The following EEIG1 variants were observed in gnomAD, a reference collection of about 807,000 sequenced individuals.
EEIG1 encodes the protein estrogen-induced osteoclastogenesis regulator 1, also known as early estrogen-induced gene 1 protein.
At chr9:127,945,300 A>T in the EEIG1 span, 1 of 1,264,514 alleles carries the variant, frequency 7.9e-7, no homozygotes, top group Non-Finnish European at 1.1e-6. The surrounding 1 kb of genome is among the most constrained non-coding windows in gnomAD (Gnocchi z 6.5). Flanking sequence ...ATAGGTAAAG[A>T]AGCGGAGGTT....
At chr9:127,947,868 A>G in the EEIG1 span, among the ~76,000 whole-genome samples, 1 of 152,130 alleles carries the variant, frequency 6.6e-6, no homozygotes, top group Non-Finnish European at 1.5e-5. Context: ...TCTCAGTCCA[A>G]GGCACAGCTG....
At chr9:127,945,041 A>C in the EEIG1 span, 8 of 1,024,588 alleles carry the variant, frequency 7.8e-6, no homozygotes, top group South Asian at 1.6e-5. The surrounding 1 kb of genome is among the most constrained non-coding windows in gnomAD (Gnocchi z 6.5). Context: ...CTGAAACCTC[A>C]CATGCACAAT....
the EEIG1 span, among the ~76,000 whole-genome samples, chr9:127,952,322 C>A: frequency 6.6e-6 from 1 of 152,254 alleles, no homozygotes; most frequent in Admixed American, 6.5e-5. Flanking sequence ...GCGCCTCCCT[C>A]GGGTGAGAGG....
At chr9:127,970,923 C>T in the EEIG1 span, among the ~76,000 whole-genome samples, 3 of 152,224 alleles carry the variant, frequency 2.0e-5, no homozygotes, top group African/African-American at 7.2e-5. Context: ...ATTGGATTTG[C>T]GCACCTCCCC....
the EEIG1 span, chr9:127,953,940 C>G: frequency 6.2e-7 from 1 of 1,613,106 alleles, no homozygotes; most frequent in Non-Finnish European, 8.5e-7. Flanking sequence ...GGGCCAGAGG[C>G]GACAGGTGAG....
chr9:127,961,640 G>A, the EEIG1 span, among the ~76,000 whole-genome samples: 1 of 152,192 alleles, frequency 6.6e-6, no homozygotes, highest in African/African-American at 2.4e-5. Context: ...GCTAGCCTGG[G>A]GTGCAACAGA....
the EEIG1 span, among the ~76,000 whole-genome samples, chr9:127,978,941 C>T: frequency 3.9e-5 from 6 of 151,988 alleles, no homozygotes; most frequent in African/African-American, 1.2e-4. Context: ...TGATTGAACC[C>T]GGGAGGTAGA....
chr9:127,952,011 G>GTTC, the EEIG1 span, among the ~76,000 whole-genome samples: 2 of 152,180 alleles, frequency 1.3e-5, no homozygotes, highest in Non-Finnish European at 2.9e-5. Flanking sequence ...TTCAATTACA[G>GTTC]AACAGAAGGG....
At chr9:127,973,511 C>A in the EEIG1 span, among the ~76,000 whole-genome samples, 2 of 152,202 alleles carry the variant, frequency 1.3e-5, no homozygotes, top group African/African-American at 4.8e-5. The surrounding 1 kb of genome is among the most constrained non-coding windows in gnomAD (Gnocchi z 4.2). Flanking sequence ...GGGCTGCTGC[C>A]AGGCTGGCAG....
At chr9:127,957,223 T>C in the EEIG1 span, among the ~76,000 whole-genome samples, 1 of 149,984 alleles carries the variant, frequency 6.7e-6, no homozygotes, top group South Asian at 2.1e-4. Context: ...AGTGAGACCT[T>C]GTCTCAAAAC....
At chr9:127,946,532 G>C in the EEIG1 span, among the ~76,000 whole-genome samples, 1 of 152,340 alleles carries the variant, frequency 6.6e-6, no homozygotes, top group East Asian at 1.9e-4. Context: ...GCATATGGGG[G>C]GAGGCCAGCT....
chr9:127,974,036 A>C, the EEIG1 span, among the ~76,000 whole-genome samples: 1 of 152,208 alleles, frequency 6.6e-6, no homozygotes, highest in Non-Finnish European at 1.5e-5. Flanking sequence ...GGCGCACTGC[A>C]GGGGTCGACA....
the EEIG1 span, chr9:127,944,113 C>G: frequency 1.2e-5 from 2 of 172,382 alleles, no homozygotes; most frequent in Non-Finnish European, 2.5e-5. Context: ...CTGTCGTTCC[C>G]GCAACTTTGG....
At chr9:127,979,360 GCAGCTGGACCTGCCAGGATGGGGACGAA>G in the EEIG1 span, among the ~76,000 whole-genome samples, 1 of 152,236 alleles carries the variant, frequency 6.6e-6, no homozygotes, top group Non-Finnish European at 1.5e-5. Flanking sequence ...AACAAGCTGG[GCAGCTGGACCTGCCAGGATGGGGACGAA>G]CAACACAAAA....
At chr9:127,966,443 GAAAA>G in the EEIG1 span, among the ~76,000 whole-genome samples, 1 of 111,108 alleles carries the variant, frequency 9.0e-6, no homozygotes, top group East Asian at 2.5e-4. Context: ...CCCCATCTCC[GAAAA>G]AAAAAAAAAA....
chr9:127,960,077 A>C, the EEIG1 span, among the ~76,000 whole-genome samples: 4 of 152,218 alleles, frequency 2.6e-5, no homozygotes, highest in Non-Finnish European at 4.4e-5. Context: ...AAAATGGAGA[A>C]CACCACAGGG....
chr9:127,975,030 C>T, the EEIG1 span, among the ~76,000 whole-genome samples: 3,283 of 152,372 alleles, frequency 0.022, 59 homozygotes, highest in South Asian at 0.059. Context: ...CCACACTGTG[C>T]CTGTGAGCAG....
At chr9:127,949,864 G>A in the EEIG1 span, among the ~76,000 whole-genome samples, 1 of 152,214 alleles carries the variant, frequency 6.6e-6, no homozygotes, top group Non-Finnish European at 1.5e-5. Context: ...CCTGGGGGTG[G>A]GGCTGCCCTG....
At chr9:127,971,236 T>C in the EEIG1 span, among the ~76,000 whole-genome samples, 7 of 152,164 alleles carry the variant, frequency 4.6e-5, no homozygotes, top group Non-Finnish European at 7.4e-5. Flanking sequence ...TGAGCAGCCC[T>C]GTTTGATGGA....
Sources: gnomAD v4.1 joint callset for allele counts (sites outside exome capture counted in the v4.1 genomes callset) on GRCh38, gnomAD v4.1.1 for gene constraint, Gnocchi (gnomAD v3.1) non-coding constraint, MANE v1.5 for transcripts, NCBI Gene and HGNC (gene_info 2026-07-23, HGNC 2026-07-21) for gene names.